The following CDK14 variants were observed in gnomAD, a reference collection of about 807,000 sequenced individuals.
The protein encoded by CDK14 is cyclin-dependent kinase 14.
In CDK14, 34 loss-of-function variants were observed where a neutral mutation model predicts 60.7. The ratio of observed to expected loss-of-function variants is 0.56; its 90% CI spans 0.43 to 0.75. The LOEUF is 0.75. CDK14 is among the 30% of genes least tolerant of loss of function. CDK14 has a pLI of 0.00. For missense variants in CDK14, 482 were observed against 564.1 expected, an observed-to-expected ratio of 0.85 and a Z score of 1.47; for synonymous variants, 197 against 203.7, an observed-to-expected ratio of 0.97 and a Z score of 0.28.
At chr7:90,650,732 T>C (rs1800616869) in intron 2 of CDK14, among the ~76,000 whole-genome samples, 1 of 152,242 alleles carries the variant, frequency 6.6e-6, no homozygotes, top group African/African-American at 2.4e-5. Context: ...CCCCATTGCT[T>C]ATTTTTGTCA....
intron 6 of CDK14, among the ~76,000 whole-genome samples, chr7:90,870,172 A>G (rs73222766): frequency 0.019 from 2,943 of 152,328 alleles, 44 homozygotes; most frequent in South Asian, 0.046. Flanking sequence ...GTCATAACAA[A>G]GAGATCATGT....
chr7:90,658,633 G>A (rs759636867), intron 2 of CDK14, among the ~76,000 whole-genome samples: 1 of 152,150 alleles, frequency 6.6e-6, no homozygotes, highest in Non-Finnish European at 1.5e-5. Flanking sequence ...GTGTATCAGT[G>A]CTTTCTTTTT....
intron 14 of CDK14, among the ~76,000 whole-genome samples, chr7:91,194,207 A>G (rs1317983707): frequency 6.6e-6 from 1 of 152,242 alleles, no homozygotes; most frequent in Non-Finnish European, 1.5e-5. Flanking sequence ...AAGCATGAGT[A>G]TTTTATATCG....
intron 8 of CDK14, among the ~76,000 whole-genome samples, chr7:90,946,730 A>T (rs548790911): frequency 5.9e-5 from 9 of 152,306 alleles, no homozygotes; most frequent in African/African-American, 2.2e-4. Flanking sequence ...GTTATTTATT[A>T]CATGCCCTTT....
At chr7:90,916,490 C>CA (rs1185819746) in intron 7 of CDK14, among the ~76,000 whole-genome samples, 1 of 152,182 alleles carries the variant, frequency 6.6e-6, no homozygotes, top group Non-Finnish European at 1.5e-5. Context: ...ACTTGGCTTT[C>CA]AAAGCCCCTG....
chr7:91,029,652 T>C (rs2115928535), intron 10 of CDK14, among the ~76,000 whole-genome samples: 1 of 26,220 alleles, frequency 3.8e-5, no homozygotes, highest in Non-Finnish European at 7.1e-5. Flanking sequence ...TCCCCTTCTG[T>C]TTCCTGCAGC....
Position 90,596,726 on chromosome 7 carries a change from G to C in CDK14, c.91+8G>C, listed in dbSNP as rs769381023. On this transcript the variant is annotated splice_region_variant and intron_variant, in intron 1 of 14. Coordinates refer to ENST00000380050, the MANE Select transcript of CDK14 (RefSeq NM_001287135.2). ...AGAGTTTCAGTCGCATTGGTGAGTA[G>C]CGCGCTGCCCCCGGCCCCCCCAGCG... 4.4e-6 allele frequency: 7 copies of C among 1,607,354 alleles called. No individual in the cohort carries two copies. In the Admixed American group the frequency reaches 1.2e-4, roughly 27 times the overall value.
intron 12 of CDK14, among the ~76,000 whole-genome samples, chr7:91,107,042 T>C (rs371255208): frequency 2.0e-4 from 31 of 152,222 alleles, no homozygotes; most frequent in African/African-American, 7.5e-4. Flanking sequence ...TACAAGAGTT[T>C]TGACCTAGAT....
chr7:90,607,194 A>G (rs1052317201), intron 2 of CDK14, among the ~76,000 whole-genome samples: 9 of 152,224 alleles, frequency 5.9e-5, no homozygotes, highest in African/African-American at 1.9e-4. Flanking sequence ...GATCATTTTC[A>G]GATTATAATA....
chr7:90,806,411 C>G (rs192167613), intron 5 of CDK14, among the ~76,000 whole-genome samples: 1 of 152,210 alleles, frequency 6.6e-6, no homozygotes, highest in East Asian at 1.9e-4. Context: ...GTCCAAAACT[C>G]AATGATGAAA....
At chr7:90,894,710 A>G (rs1792240729) in intron 6 of CDK14, among the ~76,000 whole-genome samples, 1 of 152,230 alleles carries the variant, frequency 6.6e-6, no homozygotes, top group Admixed American at 6.5e-5. Flanking sequence ...GTGTGAGTGT[A>G]GAGTTCATCT....
intron 2 of CDK14, among the ~76,000 whole-genome samples, chr7:90,646,086 T>G (rs1309602811): frequency 6.6e-6 from 1 of 152,150 alleles, no homozygotes; most frequent in Non-Finnish European, 1.5e-5. Context: ...AATGCCAACT[T>G]CTTTTTGTTT....
At chr7:90,780,822 T>C (rs28866253) in intron 4 of CDK14, among the ~76,000 whole-genome samples, 30,955 of 151,590 alleles carry the variant, frequency 0.2, 3,288 homozygotes, top group South Asian at 0.24. Flanking sequence ...TTTGGGTTGG[T>C]TCCAAGTCTT....
chr7:91,017,429 G>C (rs1344077368), intron 10 of CDK14, among the ~76,000 whole-genome samples: 9 of 152,134 alleles, frequency 5.9e-5, no homozygotes, highest in Non-Finnish European at 1.3e-4. Context: ...ATTGTTAATT[G>C]TTATTTTGTT....
At chr7:90,923,704 A>G (rs910744258) in intron 8 of CDK14, among the ~76,000 whole-genome samples, 3 of 152,252 alleles carry the variant, frequency 2.0e-5, no homozygotes, top group African/African-American at 7.2e-5. Context: ...AGGACTGATC[A>G]TCTTATTCTC....
At chr7:91,086,174 T>C (rs1798632935) in intron 12 of CDK14, among the ~76,000 whole-genome samples, 1 of 152,220 alleles carries the variant, frequency 6.6e-6, no homozygotes, top group Non-Finnish European at 1.5e-5. Context: ...CCAGAGATCT[T>C]GCTTTTTATT....
At position 90,985,098 on chromosome 7, in the gene CDK14, A is replaced by C. The variant is rs950283573; in HGVS notation, c.1041+857A>C. On this transcript the variant is annotated intron_variant, in intron 10 of 14. Transcript: ENST00000380050. ...TATGTAAGATTTTAATTAGAGAGAG[A>C]AACTGGGCGAGTGGTATACATGAGC... Among the ~76,000 whole-genome samples the C allele has an allele frequency of 1.8e-4, 28 of 152,176 alleles. 1 individual carries two copies. Among genetic ancestry groups the C allele is most frequent in the Non-Finnish European group, 2.2e-4 (15 of 68,026 alleles).
intron 2 of CDK14, among the ~76,000 whole-genome samples, chr7:90,635,655 T>A (rs1284289555): frequency 6.6e-6 from 1 of 152,120 alleles, no homozygotes; most frequent in Non-Finnish European, 1.5e-5. Context: ...AAGTAGTTTT[T>A]TCCAATTCTG....
At chr7:91,058,665 G>A (rs1797667700) in intron 11 of CDK14, among the ~76,000 whole-genome samples, 1 of 152,200 alleles carries the variant, frequency 6.6e-6, no homozygotes, top group Non-Finnish European at 1.5e-5. Flanking sequence ...AGATAATCAT[G>A]TGGTTTTTGT....
Sources: allele counts gnomAD v4.1 joint callset (sites outside exome capture counted in the v4.1 genomes callset), GRCh38; gene constraint gnomAD v4.1.1; transcripts MANE v1.5; gene names NCBI Gene and HGNC (gene_info 2026-07-23, HGNC 2026-07-21).